The following ARHGAP5 variants were observed in gnomAD, a reference collection of about 807,000 sequenced individuals.
ARHGAP5 encodes rho GTPase-activating protein 5.
In ARHGAP5, 23 loss-of-function variants were observed where a neutral mutation model predicts 116.6. The ratio of observed to expected loss-of-function variants is 0.20; its 90% CI spans 0.14 to 0.28. The LOEUF is 0.28. ARHGAP5 is among the 10% of genes least tolerant of loss of function. ARHGAP5 has a pLI of 1.00. For missense variants in ARHGAP5, 1,405 were observed against 1,774.8 expected (o/e 0.79, Z 3.74); for synonymous variants, 574 against 602.0 (o/e 0.95, Z 0.68).
Position 32,158,165 on chromosome 14 carries a change from C to T in ARHGAP5, c.*3217C>T, listed in dbSNP as rs560607618. 5 of 151,286 alleles carry T rather than the reference C, an allele frequency of 3.3e-5. No individual in the cohort carries two copies. In the South Asian group the frequency reaches 1.0e-3, roughly 32 times the overall value. The allele number at this position is 151,286 out of a possible 1,614,324, so 9.4% of individuals were successfully genotyped here. A position where few individuals can be genotyped will look rare whatever the true frequency, so the allele number is the denominator to read the frequency against. ...AAGTTATAGTTGCCTCTATTTTTAC[C>T]ATTTCATTGGTAAAAATTAGCTAAT... On this transcript the variant is annotated 3_prime_UTR_variant, in exon 7 of 7. Transcript: ENST00000345122.
Position 32,157,741 on chromosome 14 carries a change from C to T in ARHGAP5, c.*2793C>T, listed in dbSNP as rs574093609. 20 of 151,476 alleles carry T rather than the reference C, an allele frequency of 1.3e-4. 1 individual carries two copies. The highest frequency in any genetic ancestry group is 6.2e-4 in the South Asian group (3 of 4,812). 9.4% of individuals were successfully genotyped at this position (151,476 alleles called of 1,614,324 possible). On this transcript the variant is annotated 3_prime_UTR_variant, in exon 7 of 7. Transcript: ENST00000345122. ...TTACAGTGTAAATACTGCAGGTAAC[C>T]GCAATCTAAGTTAGCCAAAAAGCAG...
At chr14:32,127,668 G>A (rs539334452) in intron 3 of ARHGAP5, among the ~76,000 whole-genome samples, 17 of 152,252 alleles carry the variant, frequency 1.1e-4, no homozygotes, top group African/African-American at 3.6e-4. Flanking sequence ...ATCATGGCCC[G>A]TTCTCAATGA....
chr14:32,120,943 T>C (rs1879855065), intron 3 of ARHGAP5, among the ~76,000 whole-genome samples: 1 of 152,030 alleles, frequency 6.6e-6, no homozygotes, highest in African/African-American at 2.4e-5. Flanking sequence ...TGTTTCTCCT[T>C]TCAGTTCTAT....
intron 1 of ARHGAP5, among the ~76,000 whole-genome samples, 173 bp from the exon 2 acceptor site, chr14:32,090,329 T>C (rs1878179017): frequency 6.6e-6 from 1 of 152,052 alleles, no homozygotes; most frequent in South Asian, 2.1e-4. Context: ...CCTTAAATTT[T>C]GAGGTCATCT....
At chr14:32,137,844 C>T (rs961718398) in intron 3 of ARHGAP5, among the ~76,000 whole-genome samples, 9 of 151,784 alleles carry the variant, frequency 5.9e-5, no homozygotes, top group African/African-American at 1.2e-4. Flanking sequence ...TGGTGGCAGG[C>T]GCCTGTAATC....
chr14:32,144,936 A>G (rs1254727956), intron 3 of ARHGAP5, among the ~76,000 whole-genome samples: 3 of 152,204 alleles, frequency 2.0e-5, no homozygotes, highest in African/African-American at 7.2e-5. Flanking sequence ...TTGTGTTGGT[A>G]TCTGTTAAAT....
At chr14:32,148,254 G>A (rs1047924329) in intron 4 of ARHGAP5, among the ~76,000 whole-genome samples, 2 of 151,906 alleles carry the variant, frequency 1.3e-5, no homozygotes, top group African/African-American at 4.8e-5. Flanking sequence ...TTTAGACAAT[G>A]GTATTAAATT....
In ARHGAP5 at chr14:32,093,476, G is replaced by C; in HGVS notation, c.2807G>C (p.Ser936Thr). Residue 936 changes from serine (S) to threonine (T), a missense_variant, in exon 2 of 7, where the codon AGT becomes ACT. Coordinates refer to ENST00000345122, the MANE Select transcript of ARHGAP5 (RefSeq NM_001030055.2). ...ACTGAGGTCTTTACTCTGTTTTTTA[G>C]TGATGTTCTAGAGAAAAAAAATATG... Reference protein sequence around the residue: ...RQTEVFTLFFSDVLEKKNMIE... With the variant: ...RQTEVFTLFFTDVLEKKNMIE... The C allele has an allele frequency of 6.2e-7, 1 of 1,612,648 alleles. No individual in the cohort carries two copies. Among genetic ancestry groups the C allele is most frequent in the Non-Finnish European group, 8.5e-7 (1 of 1,179,630 alleles).
At chr14:32,082,097 T>A (rs2041782751) in intron 1 of ARHGAP5, among the ~76,000 whole-genome samples, 1 of 152,144 alleles carries the variant, frequency 6.6e-6, no homozygotes, top group Non-Finnish European at 1.5e-5. Context: ...GCTCAGGTGG[T>A]AATGCCCGCT....
intron 1 of ARHGAP5, among the ~76,000 whole-genome samples, chr14:32,081,677 G>A (rs1305321974): frequency 1.3e-5 from 2 of 152,032 alleles, no homozygotes; most frequent in Admixed American, 6.5e-5. Context: ...AACACGTAAC[G>A]TTGGCATAAC....
At chr14:32,140,516 G>A (rs1881071375) in intron 3 of ARHGAP5, among the ~76,000 whole-genome samples, 1 of 152,136 alleles carries the variant, frequency 6.6e-6, no homozygotes, top group Admixed American at 6.5e-5. Context: ...TGTGAACCCA[G>A]GAGGCGGAGC....
intron 1 of ARHGAP5, among the ~76,000 whole-genome samples, chr14:32,088,087 T>C (rs1226870289): frequency 6.6e-6 from 1 of 152,044 alleles, no homozygotes; most frequent in African/African-American, 2.4e-5. Flanking sequence ...TTTTGGGGTT[T>C]ATGCTATTGG....
At chr14:32,121,410 A>T (rs1296087175) in intron 3 of ARHGAP5, among the ~76,000 whole-genome samples, 1 of 152,116 alleles carries the variant, frequency 6.6e-6, no homozygotes, top group African/African-American at 2.4e-5. Context: ...CCTTCAAGTG[A>T]TATACCACTT....
intron 1 of ARHGAP5, among the ~76,000 whole-genome samples, chr14:32,087,414 T>A (rs1025550194): frequency 4.0e-5 from 6 of 151,792 alleles, no homozygotes; most frequent in African/African-American, 1.5e-4. Flanking sequence ...CAAACCCTTT[T>A]GAGGGCAAGG....
chr14:32,134,233 G>T (rs911228872), intron 3 of ARHGAP5, among the ~76,000 whole-genome samples: 1 of 152,050 alleles, frequency 6.6e-6, no homozygotes, highest in African/African-American at 2.4e-5. Context: ...AAAATTCAAA[G>T]CCTTTTTTTG....
intron 1 of ARHGAP5, among the ~76,000 whole-genome samples, chr14:32,088,726 TTG>T (rs574218608): frequency 3.7e-4 from 57 of 152,140 alleles, no homozygotes; most frequent in African/African-American, 1.3e-3. Context: ...ACATAAATAT[TTG>T]TAAGTCACAA....
At chr14:32,151,791 G>A (rs1249664288) in intron 5 of ARHGAP5, among the ~76,000 whole-genome samples, 3 of 152,276 alleles carry the variant, frequency 2.0e-5, no homozygotes, top group East Asian at 3.9e-4. Flanking sequence ...ATCTAGTTAC[G>A]TAAATTGCTA....
Position 32,094,195 on chromosome 14 carries a change from A to G in ARHGAP5, c.3526A>G (p.Ser1176Gly), listed in dbSNP as rs1878409037. The change falls in exon 2 of 7, where the codon AGT becomes GGT. Residue 1176 changes from serine (S) to glycine (G), a missense_variant. Coordinates refer to ENST00000345122, the MANE Select transcript of ARHGAP5 (RefSeq NM_001030055.2). ...CTATAGAAGAACACATTCAGATGCC[A>G]GTGATGATGAGGCTTTCACCACTTC... ...SYYRRTHSDASDDEAFTTSKT... is the reference protein window; with the variant it reads ...SYYRRTHSDAGDDEAFTTSKT... 1 of 1,612,688 alleles carries G rather than the reference A, an allele frequency of 6.2e-7. No individual in the cohort carries two copies. The highest frequency in any genetic ancestry group is 8.5e-7 in the Non-Finnish European group (1 of 1,179,758).
chr14:32,084,958 A>G (rs1277371647), intron 1 of ARHGAP5, among the ~76,000 whole-genome samples: 5 of 151,980 alleles, frequency 3.3e-5, no homozygotes, highest in Admixed American at 6.5e-5. Context: ...GCAGTAAGCT[A>G]TGATCCTGCC....
Sources: gnomAD v4.1 joint callset for allele counts (sites outside exome capture counted in the v4.1 genomes callset) on GRCh38, gnomAD v4.1.1 for gene constraint, MANE v1.5 for transcripts, NCBI Gene and HGNC (gene_info 2026-07-23, HGNC 2026-07-21) for gene names.